POGLUT3: variants seen among roughly 807,000 people sequenced by gnomAD.
The protein encoded by POGLUT3 is KDEL (Lys-Asp-Glu-Leu) containing 2.
In POGLUT3, 48 loss-of-function variants were observed where a neutral mutation model predicts 54.3. That is an observed-to-expected ratio of 0.88 (90% CI 0.70 to 1.12). The LOEUF (loss-of-function observed/expected upper bound fraction) is 1.12, where lower values mean the gene tolerates loss of function less well. Ranked by LOEUF, POGLUT3 falls within the 50% of genes most tolerant of loss-of-function variation. POGLUT3 has a pLI of 0.00. For missense variants in POGLUT3, 629 were observed against 618.7 expected (o/e 1.02, Z -0.18); for synonymous variants, 218 against 237.4 (o/e 0.92, Z 0.75).
Position 108,486,406 on chromosome 11 carries a change from T to G in POGLUT3, c.435A>C (p.Glu145Asp), listed in dbSNP as rs754681439. Residue 145 changes from glutamate to aspartate, a missense_variant, in exon 3 of 8, where the codon GAA becomes GAC. By Grantham distance (45) the Glu-to-Asp change is conservative. Coordinates refer to ENST00000323468, the MANE Select transcript of POGLUT3 (RefSeq NM_153705.5). ...GAGTCTTCTGCCAGGCCTGAGGATC[T>G]TCCGGACACTCACAGTACTCATGGT... The part of the protein sequence containing the change: ...PVYHEYCECP[E>D]DPQAWQKTLS... 4 of 1,614,006 alleles carry G rather than the reference T, an allele frequency of 2.5e-6. No homozygotes were observed. The highest frequency in any genetic ancestry group is 3.4e-6 in the Non-Finnish European group (4 of 1,180,028).
chr11:108,482,934 T>C (rs543137672), intron 3 of POGLUT3, among the ~76,000 whole-genome samples: 10 of 152,192 alleles, frequency 6.6e-5, no homozygotes, highest in African/African-American at 2.4e-4. Context: ...TGCCCTTGCC[T>C]CTGGAACCTG....
intron 1 of POGLUT3, among the ~76,000 whole-genome samples, chr11:108,496,825 C>T (rs992690068): frequency 6.6e-6 from 1 of 152,194 alleles, no homozygotes; most frequent in Non-Finnish European, 1.5e-5. Flanking sequence ...ATTTGCTTGG[C>T]ATTCAAGGCG....
chr11:108,498,302 G>GC lies in POGLUT3; in HGVS notation c.64dup (p.Ala22GlyfsTer48). 6.9e-7 allele frequency: 1 copy of GC among 1,455,226 alleles called. No homozygotes were observed. The highest frequency in any genetic ancestry group is 9.1e-7 in the Non-Finnish European group (1 of 1,100,678). 90.1% of individuals were successfully genotyped at this position (1,455,226 alleles called of 1,614,324 possible). A position where few individuals can be genotyped will look rare whatever the true frequency, so the allele number is the denominator to read the frequency against. On this transcript the variant is annotated frameshift_variant, in exon 1 of 8. Coordinates refer to ENST00000323468, the MANE Select transcript of POGLUT3 (RefSeq NM_153705.5). LOFTEE classifies it high-confidence loss of function. ...CGGCGCGCTGACCAGCACCTCCGGG[G>GC]CCCCCGCGGCCACCAGCAGGGCGAG...
chr11:108,477,672 G>A lies in POGLUT3; in HGVS notation c.1333C>T (p.Gln445Ter). Residue 445 changes from glutamine to a stop codon, truncating the protein, a stop_gained, in exon 7 of 8, where the codon CAG (glutamine) becomes TAG (stop). Transcript: ENST00000323468. LOFTEE classifies it high-confidence loss of function. ...TGTAGTAGGTCCCTAGCCATCAACT[G>A]TCCTTCTTTTGCAATCTTCTTGGCT... ...EEAKKIAKEG[Q>*]LMARDLLQPH... 1.2e-6 allele frequency: 2 copies of A among 1,613,184 alleles called. No individual in the cohort carries two copies. Among genetic ancestry groups the A allele is most frequent in the African/African-American group, 2.7e-5 (2 of 74,960 alleles).
At chr11:108,484,047 T>A (rs919084056) in intron 3 of POGLUT3, among the ~76,000 whole-genome samples, 15 of 152,140 alleles carry the variant, frequency 9.9e-5, no homozygotes, top group Admixed American at 9.2e-4. Context: ...CTCAAGCTCA[T>A]ATTATTGACA....
At chr11:108,478,626 G>T (rs2093586795) in intron 6 of POGLUT3, among the ~76,000 whole-genome samples, 1 of 152,108 alleles carries the variant, frequency 6.6e-6, no homozygotes, top group Non-Finnish European at 1.5e-5. Flanking sequence ...TATACTTTTG[G>T]AAAACAGTTA....
In POGLUT3 at chr11:108,495,730, T is replaced by G. The variant is rs911926533; in HGVS notation, c.202+2435A>C. On this transcript the variant is annotated intron_variant, in intron 1 of 7. Transcript: ENST00000323468. ...CTGGAGTGCAGTGGCACAATCATAA[T>G]GCACTGCAACCTTGAGCTCCTGGGC... Among the ~76,000 whole-genome samples the G allele has an allele frequency of 1.3e-5, 2 of 152,004 alleles. 1 individual carries two copies. Among genetic ancestry groups the G allele is most frequent in the South Asian group, 4.1e-4 (2 of 4,826 alleles).
rs2093612312 is a variant in POGLUT3 at position 108,491,076 on chromosome 11, T to A, written c.294A>T (p.Gly98=). 1.9e-6 allele frequency: 3 copies of A among 1,614,066 alleles called. No individual in the cohort carries two copies. Among genetic ancestry groups the A allele is most frequent in the Non-Finnish European group, 2.5e-6 (3 of 1,179,926 alleles). ...HVPKPLDRND[G]TFLMRYRMYE... Reference sequence around the variant, plus strand: ...ACATCCTATATCTCATCAAAAATGTTCCATCATTCCTGTCCAAAGGTTTAG... The same window carrying A: ...ACATCCTATATCTCATCAAAAATGTACCATCATTCCTGTCCAAAGGTTTAG... The change falls in exon 2 of 8, where the codon GGA becomes GGT. Residue 98 remains glycine, a synonymous_variant. Transcript: ENST00000323468.
chr11:108,483,080 T>C (rs1033858979), intron 3 of POGLUT3, among the ~76,000 whole-genome samples: 1 of 152,248 alleles, frequency 6.6e-6, no homozygotes, highest in Non-Finnish European at 1.5e-5. Flanking sequence ...TCCACAAGGC[T>C]GCTCAGATTT....
chr11:108,492,274 C>T (rs2093614690), intron 1 of POGLUT3, among the ~76,000 whole-genome samples: 1 of 152,106 alleles, frequency 6.6e-6, no homozygotes, highest in Non-Finnish European at 1.5e-5. Context: ...TATTAGCTGA[C>T]ATTTAGGCTT....
intron 6 of POGLUT3, chr11:108,477,990 A>C: frequency 2.9e-6 from 1 of 342,294 alleles, no homozygotes; most frequent in South Asian, 3.2e-5. Context: ...CTCTACTAAA[A>C]ATACAAAAAT....
At chr11:108,487,870 C>T (rs892446663) in intron 2 of POGLUT3, among the ~76,000 whole-genome samples, 1 of 152,190 alleles carries the variant, frequency 6.6e-6, no homozygotes, top group East Asian at 1.9e-4. Flanking sequence ...CCTCGGCCTC[C>T]CAAAGTGCTG....
intron 7 of POGLUT3, among the ~76,000 whole-genome samples, chr11:108,475,454 G>GTTTTTTTT (rs1182179068): frequency 4.6e-5 from 5 of 109,346 alleles, no homozygotes; most frequent in Admixed American, 1.1e-4. Context: ...TATAAATGGA[G>GTTTTTTTT]TTTTTTTTGT....
At chr11:108,493,538 G>C (rs1464054055) in intron 1 of POGLUT3, among the ~76,000 whole-genome samples, 1 of 152,146 alleles carries the variant, frequency 6.6e-6, no homozygotes, top group African/African-American at 2.4e-5. Flanking sequence ...AGGCGTGGTG[G>C]CTCACGCCTG....
chr11:108,480,564 T>A (rs1286982688), intron 5 of POGLUT3, among the ~76,000 whole-genome samples: 1 of 152,166 alleles, frequency 6.6e-6, no homozygotes, highest in Non-Finnish European at 1.5e-5. Flanking sequence ...GAGGACACAC[T>A]CCCAGATTTG....
chr11:108,493,189 C>T (rs887895896), intron 1 of POGLUT3, among the ~76,000 whole-genome samples: 1 of 152,090 alleles, frequency 6.6e-6, no homozygotes, highest in Non-Finnish European at 1.5e-5. Context: ...GAATTATGGT[C>T]GCTTCCAGTT....
intron 1 of POGLUT3, among the ~76,000 whole-genome samples, chr11:108,493,545 C>T (rs967782939): frequency 3.3e-5 from 5 of 152,120 alleles, no homozygotes; most frequent in Non-Finnish European, 5.9e-5. Flanking sequence ...GTGGCTCACG[C>T]CTGTAATCCG....
rs367899085 is a variant in POGLUT3 at position 108,475,463 on chromosome 11, G to GTTTTTT, written c.1399-512_1399-511insAAAAAA. ...TATTTCTATAAATGGAGTTTTTTTT[G>GTTTTTT]TTTTTGTTTTTTTTTTTTTTTGAGA... On this transcript the variant is annotated intron_variant, in intron 7 of 7. Transcript: ENST00000323468. Among the ~76,000 whole-genome samples the GTTTTTT allele has an allele frequency of 2.8e-4, 31 of 109,976 alleles. 3 individuals are homozygous for GTTTTTT. Among genetic ancestry groups the GTTTTTT allele is most frequent in the South Asian group, 5.9e-4 (2 of 3,392 alleles). The allele number at this position is 109,976 out of a possible 152,430, so 72.1% of individuals were successfully genotyped here. A position where few individuals can be genotyped will look rare whatever the true frequency, so the allele number is the denominator to read the frequency against.
At chr11:108,477,035 T>G (rs777148561) in intron 7 of POGLUT3, among the ~76,000 whole-genome samples, 2 of 152,066 alleles carry the variant, frequency 1.3e-5, no homozygotes, top group Non-Finnish European at 2.9e-5. Context: ...ACTGAGAAGA[T>G]GGGAGGAGTT....
Sources: gnomAD v4.1 joint callset for allele counts (sites outside exome capture counted in the v4.1 genomes callset) on GRCh38, gnomAD v4.1.1 for gene constraint, MANE v1.5 for transcripts, NCBI Gene and HGNC (gene_info 2026-07-23, HGNC 2026-07-21) for gene names.